POLR3G: variants seen among roughly 807,000 people sequenced by gnomAD.
POLR3G encodes the protein DNA-directed RNA polymerase III subunit RPC7.
A neutral mutation model predicts 30.1 loss-of-function variants in POLR3G; 28 were observed. The ratio of observed to expected loss-of-function variants is 0.93; its 90% confidence interval spans 0.69 to 1.27. The LOEUF (loss-of-function observed/expected upper bound fraction) is 1.27. POLR3G is among the 50% of genes most tolerant of loss of function. The pLI is 0.00. For synonymous variants in POLR3G, 79 were observed against 82.5 expected, an observed-to-expected ratio of 0.96 and a Z score of 0.23; for missense variants, 254 against 264.6, an observed-to-expected ratio of 0.96 and a Z score of 0.28.
intron 7 of POLR3G, among the ~76,000 whole-genome samples, chr5:90,509,000 G>A (rs548512500): frequency 6.6e-6 from 1 of 152,270 alleles, no homozygotes; most frequent in Admixed American, 6.5e-5. Context: ...AGCAGAGGTC[G>A]CAGTGAGCTG....
intron 2 of POLR3G, 130 bp downstream of exon 2, chr5:90,485,814 C>T (rs1751411807): frequency 1.7e-6 from 1 of 601,530 alleles, no homozygotes; most frequent in South Asian, 2.8e-5. Flanking sequence ...GAGTGTGTTT[C>T]ACTTACCTTT....
At chr5:90,478,888 A>G (rs1166516893) in intron 1 of POLR3G, among the ~76,000 whole-genome samples, 1 of 151,896 alleles carries the variant, frequency 6.6e-6, no homozygotes, top group Non-Finnish European at 1.5e-5. Context: ...AAAAGTCCTG[A>G]TGCTTAAATG....
chr5:90,496,964 G>A (rs1752025559), intron 4 of POLR3G, among the ~76,000 whole-genome samples: 1 of 152,022 alleles, frequency 6.6e-6, no homozygotes, highest in East Asian at 1.9e-4. Context: ...TATTTTTCAG[G>A]TAAAATGACT....
At chr5:90,505,315 C>T (rs945744264) in intron 6 of POLR3G, among the ~76,000 whole-genome samples, 13 of 151,936 alleles carry the variant, frequency 8.6e-5, no homozygotes, top group Admixed American at 2.0e-4. Flanking sequence ...CTTAATTATG[C>T]GTATTAATAT....
chr5:90,501,680 A>G (rs895334361), intron 5 of POLR3G, among the ~76,000 whole-genome samples: 2 of 152,138 alleles, frequency 1.3e-5, no homozygotes, highest in African/African-American at 4.8e-5. Context: ...AGTTAACTTC[A>G]GTCTTAAAAA....
At chr5:90,493,243 CTTTA>C (rs1468318268) in intron 3 of POLR3G, among the ~76,000 whole-genome samples, 2 of 151,936 alleles carry the variant, frequency 1.3e-5, no homozygotes, top group Non-Finnish European at 2.9e-5. Context: ...TCTCCAATAA[CTTTA>C]TTTATTTATT....
intron 3 of POLR3G, among the ~76,000 whole-genome samples, chr5:90,489,486 C>T (rs1751614332): frequency 6.6e-6 from 1 of 151,900 alleles, no homozygotes; most frequent in Non-Finnish European, 1.5e-5. Flanking sequence ...TGGTCTTGAA[C>T]TCCTGACCTC....
intron 3 of POLR3G, among the ~76,000 whole-genome samples, chr5:90,493,759 A>G (rs1751854910): frequency 8.3e-6 from 1 of 120,026 alleles, no homozygotes; most frequent in Non-Finnish European, 1.6e-5. Context: ...CCAGGCTGGA[A>G]TGCAGTGGCA....
At chr5:90,494,875 G>T (rs774138888) in intron 3 of POLR3G, among the ~76,000 whole-genome samples, 1 of 151,950 alleles carries the variant, frequency 6.6e-6, no homozygotes, top group African/African-American at 2.4e-5. Flanking sequence ...GGTAAAAACT[G>T]TTTTTTTCCG....
chr5:90,506,012 A>C (rs1203964441), intron 6 of POLR3G, among the ~76,000 whole-genome samples: 2 of 152,116 alleles, frequency 1.3e-5, no homozygotes, highest in Admixed American at 6.5e-5. Context: ...AGGTGGGCAG[A>C]TCTCTTGAGA....
chr5:90,480,274 G>T (rs755500940), intron 1 of POLR3G, among the ~76,000 whole-genome samples: 1 of 152,142 alleles, frequency 6.6e-6, no homozygotes, highest in Non-Finnish European at 1.5e-5. Context: ...TTTCTTTCAT[G>T]ATACATTTAC....
At chr5:90,479,126 A>G (rs1227505112) in intron 1 of POLR3G, among the ~76,000 whole-genome samples, 1 of 152,146 alleles carries the variant, frequency 6.6e-6, no homozygotes, top group Non-Finnish European at 1.5e-5. Context: ...CTGTTGCTAT[A>G]TAGGAAGCAC....
chr5:90,482,125 T>C (rs1003089657), intron 1 of POLR3G, among the ~76,000 whole-genome samples: 4 of 152,156 alleles, frequency 2.6e-5, no homozygotes, highest in South Asian at 2.1e-4. Flanking sequence ...CAAGCAGTTA[T>C]GAAGGAAAAC....
chr5:90,478,562 C>T (rs867660595), intron 1 of POLR3G, among the ~76,000 whole-genome samples: 32 of 34,198 alleles, frequency 9.4e-4, no homozygotes, highest in African/African-American at 3.2e-3. Flanking sequence ...GTTTAATCTG[C>T]GTGGTTCTTT....
rs1752498775 is a variant in POLR3G at position 90,506,628 on chromosome 5, A to G, written c.539A>G (p.Asp180Gly). The change falls in exon 7 of 8, where the codon GAT becomes GGT. Residue 180 changes from aspartate to glycine, a missense_variant. Physicochemically the swap from Asp to Gly is moderately conservative, Grantham distance 94. Coordinates refer to ENST00000651687, the MANE Select transcript of POLR3G (RefSeq NM_006467.3). ...KSKEGDDDDD[D>G]DAAEQEEYDE... ...AAAGAAGGTGATGATGACGATGACG[A>G]TGATGCCGCAGAACAGGAGGAATAT... The G allele has an allele frequency of 6.2e-7, 1 of 1,613,778 alleles. No homozygotes were observed. Among genetic ancestry groups the G allele is most frequent in the Non-Finnish European group, 8.5e-7 (1 of 1,179,832 alleles).
intron 7 of POLR3G, among the ~76,000 whole-genome samples, chr5:90,508,367 C>T (rs933887447): frequency 6.6e-6 from 1 of 151,456 alleles, no homozygotes; most frequent in Non-Finnish European, 1.5e-5. Flanking sequence ...CCCCTTTATC[C>T]TATTTGGGGC....
chr5:90,508,186 T>C (rs1347618224), intron 7 of POLR3G, among the ~76,000 whole-genome samples: 2 of 152,234 alleles, frequency 1.3e-5, no homozygotes, highest in Non-Finnish European at 2.9e-5. Flanking sequence ...ACTTCTTTCT[T>C]CTTATTTCCC....
intron 1 of POLR3G, among the ~76,000 whole-genome samples, chr5:90,483,730 G>A (rs3933063): frequency 0.71 from 108,469 of 151,946 alleles, 39,124 homozygotes; most frequent in Admixed American, 0.78. Flanking sequence ...GTGAGGGAGG[G>A]AGGTTGCAGT....
intron 3 of POLR3G, among the ~76,000 whole-genome samples, chr5:90,490,428 C>T (rs1172405329): frequency 4.0e-5 from 6 of 151,692 alleles, no homozygotes; most frequent in Admixed American, 2.6e-4. Context: ...GATGAGGTCT[C>T]GCTCTGTCAC....
Sources: gnomAD v4.1 joint callset for allele counts (sites outside exome capture counted in the v4.1 genomes callset) on GRCh38, gnomAD v4.1.1 for gene constraint, MANE v1.5 for transcripts, NCBI Gene and HGNC (gene_info 2026-07-23, HGNC 2026-07-21) for gene names.